ANKRD33B: variants seen among roughly 807,000 people sequenced by gnomAD.
ANKRD33B encodes ankyrin repeat domain-containing protein 33B.
Under a neutral mutation model 21.5 loss-of-function variants are expected in ANKRD33B, and 6 were observed. The observed-to-expected ratio is 0.28, with a 90% CI of 0.15 to 0.55. The LOEUF (loss-of-function observed/expected upper bound fraction) is 0.55. ANKRD33B is among the 20% of genes least tolerant of loss of function. The pLI, the probability that ANKRD33B is intolerant of heterozygous loss-of-function variation, is 0.94. For missense variants in ANKRD33B, 698 were observed against 747.2 expected (o/e 0.93, Z 0.77); for synonymous variants, 347 against 342.4 (o/e 1.01, Z -0.15).
chr5:10,643,784 T>C (rs12152722), intron 3 of ANKRD33B, among the ~76,000 whole-genome samples: 62,078 of 143,766 alleles, frequency 0.43, 13,315 homozygotes, highest in Middle Eastern at 0.59. Flanking sequence ...CATGCCACTG[T>C]ATTCCAGCCT....
chr5:10,649,255 G>C lies in ANKRD33B; in HGVS notation c.638-11G>C. The C allele has an allele frequency of 6.6e-7, 1 of 1,511,412 alleles. No individual in the cohort carries two copies. The highest frequency in any genetic ancestry group is 2.5e-5 in the East Asian group (1 of 40,362). The allele number at this position is 1,511,412 out of a possible 1,614,324, so 93.6% of individuals were successfully genotyped here. A position where few individuals can be genotyped will look rare whatever the true frequency, so the allele number is the denominator to read the frequency against. ...CGCCACCCACTTCTGTTTGTGTTTT[G>C]CGTTTTGCAGGGGCGGATGTCCACG... On this transcript the variant is annotated splice_polypyrimidine_tract_variant and intron_variant, in intron 3 of 3. Transcript: ENST00000296657.
intron 1 of ANKRD33B, among the ~76,000 whole-genome samples, chr5:10,612,551 G>T (rs1736195522): frequency 6.6e-6 from 1 of 152,240 alleles, no homozygotes; most frequent in Admixed American, 6.5e-5. Flanking sequence ...TCTGTCACCA[G>T]AAGAACATTT....
At chr5:10,610,940 A>G (rs1256631249) in intron 1 of ANKRD33B, among the ~76,000 whole-genome samples, 2 of 152,174 alleles carry the variant, frequency 1.3e-5, no homozygotes, top group Non-Finnish European at 2.9e-5. Context: ...GCTACCTGGG[A>G]GGCCGAGGCA....
chr5:10,569,939 T>C (rs2126543282), intron 1 of ANKRD33B, among the ~76,000 whole-genome samples: 1 of 152,286 alleles, frequency 6.6e-6, no homozygotes, highest in East Asian at 1.9e-4. Context: ...TGCAGTGGTG[T>C]GATATCAGCT....
intron 1 of ANKRD33B, among the ~76,000 whole-genome samples, chr5:10,572,820 C>T (rs1456275902): frequency 6.6e-6 from 1 of 152,202 alleles, no homozygotes; most frequent in Non-Finnish European, 1.5e-5. Context: ...CATGCCTCTC[C>T]CAGCTGGAAT....
chr5:10,654,957 G>A lies in ANKRD33B; in HGVS notation c.*4844G>A, dbSNP rs902702736. The A allele has an allele frequency of 3.3e-5, 5 of 152,522 alleles. No homozygotes were observed. The highest frequency in any genetic ancestry group is 1.2e-4 in the African/African-American group (5 of 41,574). The allele number at this position is 152,522 out of a possible 1,614,324, so 9.4% of individuals were successfully genotyped here. ...CTTGGCCGCACTTGGGAACATCGTG[G>A]ACATCTTCCTTCCTCTCAGGCTCCT... On this transcript the variant is annotated 3_prime_UTR_variant, in exon 4 of 4. Transcript: ENST00000296657.
intron 1 of ANKRD33B, among the ~76,000 whole-genome samples, chr5:10,571,562 G>A (rs1473165795): frequency 6.6e-6 from 1 of 152,212 alleles, no homozygotes; most frequent in Non-Finnish European, 1.5e-5. Flanking sequence ...GGAACCCAGA[G>A]TGTGCTTTTC....
chr5:10,566,865 A>T (rs1350151939), intron 1 of ANKRD33B, among the ~76,000 whole-genome samples: 2 of 152,238 alleles, frequency 1.3e-5, no homozygotes, highest in Non-Finnish European at 2.9e-5. Context: ...CTTAGTGCCC[A>T]CAAGGCTCTG....
chr5:10,608,523 G>C (rs1579731666), intron 1 of ANKRD33B, among the ~76,000 whole-genome samples: 1 of 152,260 alleles, frequency 6.6e-6, no homozygotes, highest in East Asian at 1.9e-4. Flanking sequence ...GTGTTTATGG[G>C]GAGGTGGGAT....
intron 1 of ANKRD33B, among the ~76,000 whole-genome samples, chr5:10,601,765 A>T (rs1340414805): frequency 6.6e-6 from 1 of 152,226 alleles, no homozygotes; most frequent in Non-Finnish European, 1.5e-5. Context: ...ACACATTTTA[A>T]GTGTGACGAC....
chr5:10,567,753 A>T (rs1328699600), intron 1 of ANKRD33B, among the ~76,000 whole-genome samples: 2 of 152,212 alleles, frequency 1.3e-5, no homozygotes, highest in Non-Finnish European at 2.9e-5. Flanking sequence ...GAGGAGTTAG[A>T]CGGAGGGAAC....
intron 1 of ANKRD33B, among the ~76,000 whole-genome samples, chr5:10,568,389 A>T (rs1735104715): frequency 6.6e-6 from 1 of 152,192 alleles, no homozygotes; most frequent in Admixed American, 6.5e-5. Context: ...GGCTCTTGAG[A>T]TGACAGTGAA....
At chr5:10,604,510 GAAA>G (rs555653693) in intron 1 of ANKRD33B, among the ~76,000 whole-genome samples, 1 of 101,954 alleles carries the variant, frequency 9.8e-6, no homozygotes, top group African/African-American at 3.6e-5. Flanking sequence ...GAACCTTTTT[GAAA>G]AAAAAAAAAA....
intron 1 of ANKRD33B, among the ~76,000 whole-genome samples, chr5:10,591,194 G>GTTTTTTTTTTTTTTTTTTTTTTTTT (rs749837253): frequency 8.8e-6 from 1 of 113,452 alleles, no homozygotes; most frequent in Non-Finnish European, 1.8e-5. Flanking sequence ...TTTTTTTAGT[G>GTTTTTTTTTTTTTTTTTTTTTTTTT]GTTTTTTTTT....
chr5:10,583,160 G>A (rs1735480136), intron 1 of ANKRD33B, among the ~76,000 whole-genome samples: 1 of 151,852 alleles, frequency 6.6e-6, no homozygotes, highest in Non-Finnish European at 1.5e-5. Context: ...CCACGCCTGG[G>A]TAATTTTTTT....
chr5:10,572,776 T>G lies in ANKRD33B; in HGVS notation c.366+7943T>G, dbSNP rs1303455666. 3.9e-5 allele frequency among the ~76,000 whole-genome samples: 6 copies of G among 152,320 alleles called. No individual in the cohort carries two copies. In the East Asian group the frequency reaches 1.2e-3, roughly 29 times the overall value. On this transcript the variant is annotated intron_variant, in intron 1 of 3. Coordinates refer to ENST00000296657, the MANE Select transcript of ANKRD33B (RefSeq NM_001164440.2). ...CACCTCTGCTGAGCACAGGCTGACG[T>G]GGTTACACCTGCTTCTTCCTGGGCC...
chr5:10,601,666 G>A (rs1198705378), intron 1 of ANKRD33B, among the ~76,000 whole-genome samples: 1 of 152,234 alleles, frequency 6.6e-6, no homozygotes, highest in East Asian at 1.9e-4. Context: ...GTGAATAAAT[G>A]CTCATGGGTG....
Position 10,626,361 on chromosome 5 carries a change from C to T in ANKRD33B, c.496+7899C>T, listed in dbSNP as rs1403067300. Among the ~76,000 whole-genome samples the T allele has an allele frequency of 5.9e-5, 9 of 152,336 alleles. No homozygotes were observed. The South Asian group carries it at 6.2e-4, about 11-fold the overall frequency. The stretch of plus-strand genomic sequence containing the variant: ...CCAAGTGGTCTTTAGAAAGCTGTGG[C>T]GATTTCTCCTTTCCCCTGAGTGTCC... On this transcript the variant is annotated intron_variant, in intron 2 of 3. Transcript: ENST00000296657.
intron 1 of ANKRD33B, among the ~76,000 whole-genome samples, chr5:10,594,827 G>A (rs561925950): frequency 4.1e-4 from 62 of 152,292 alleles, no homozygotes; most frequent in African/African-American, 1.3e-3. Context: ...GGGGAAAGTG[G>A]GAGTTGACTG....
Sources: allele counts gnomAD v4.1 joint callset (sites outside exome capture counted in the v4.1 genomes callset), GRCh38; gene constraint gnomAD v4.1.1; transcripts MANE v1.5; gene names NCBI Gene and HGNC (gene_info 2026-07-23, HGNC 2026-07-21).